The following AKAP13 variants were observed in gnomAD, a reference collection of about 807,000 sequenced individuals.
AKAP13 encodes the protein A-kinase anchoring protein 13.
AKAP13 carries 80 observed loss-of-function variants against 264.5 expected under a neutral mutation model. The ratio of observed to expected loss-of-function variants is 0.30; its 90% confidence interval spans 0.25 to 0.36. AKAP13 has a LOEUF of 0.36. Ranked by LOEUF, AKAP13 falls within the 10% of genes least tolerant of loss-of-function variation. The pLI, the probability that AKAP13 is intolerant of heterozygous loss-of-function variation, is 1.00. For synonymous variants in AKAP13, 1,380 were observed against 1,250.2 expected (o/e 1.10, Z -2.19); for missense variants, 3,712 against 3,435.2 (o/e 1.08, Z -2.01).
intron 17 of AKAP13, among the ~76,000 whole-genome samples, chr15:85,698,262 G>A (rs1321652723): frequency 3.3e-5 from 5 of 151,896 alleles, no homozygotes; most frequent in African/African-American, 9.7e-5. Context: ...GAGGTCAGGA[G>A]TTGGAAACCA....
intron 17 of AKAP13, among the ~76,000 whole-genome samples, chr15:85,704,119 C>T (rs536255460): frequency 2.6e-5 from 4 of 152,142 alleles, no homozygotes; most frequent in Non-Finnish European, 5.9e-5. Flanking sequence ...TCATTTTTCC[C>T]AGTTAGATTT....
rs761882200 is a variant in AKAP13, at chr15:85,730,742, A to G, written c.7282+35A>G. ...ATTCAGCATTGCCCCCTCTTCATCT[A>G]CTCCCAGAGTGGTTTACACACTAAT... On this transcript the variant is annotated intron_variant, in intron 30 of 36. Coordinates refer to ENST00000394518, the MANE Select transcript of AKAP13 (RefSeq NM_007200.5). 8.3e-6 allele frequency: 13 copies of G among 1,575,264 alleles called. 1 individual carries two copies. The highest frequency in any genetic ancestry group is 2.3e-5 in the South Asian group (2 of 88,392).
intron 30 of AKAP13, among the ~76,000 whole-genome samples, chr15:85,732,510 C>G (rs2088123412): frequency 6.7e-6 from 1 of 149,740 alleles, no homozygotes; most frequent in East Asian, 1.9e-4. Context: ...ACCTATTGAA[C>G]ATAAAATGTG....
intron 1 of AKAP13, among the ~76,000 whole-genome samples, chr15:85,444,243 G>A (rs2073821243): frequency 2.0e-5 from 3 of 152,050 alleles, no homozygotes. Flanking sequence ...GTTATGCTTG[G>A]GTTCAACATT....
intron 1 of AKAP13, among the ~76,000 whole-genome samples, chr15:85,415,001 A>G (rs984218250): frequency 1.3e-5 from 2 of 152,178 alleles, no homozygotes; most frequent in African/African-American, 2.4e-5. Context: ...TGACCTGTCA[A>G]CTGTTTTGGT....
chr15:85,424,005 TA>T (rs2072648812), intron 1 of AKAP13, among the ~76,000 whole-genome samples: 1 of 152,220 alleles, frequency 6.6e-6, no homozygotes, highest in Non-Finnish European at 1.5e-5. Flanking sequence ...TAAACCATGC[TA>T]TAAACAGATG....
Position 85,741,430 on chromosome 15 carries a change from C to G in AKAP13, c.7993C>G (p.Gln2665Glu), listed in dbSNP as rs368984278. 46 of 1,611,288 alleles carry G rather than the reference C, an allele frequency of 2.9e-5. No homozygotes were observed. Among genetic ancestry groups the G allele is most frequent in the Non-Finnish European group, 3.9e-5 (46 of 1,178,006 alleles). Residue 2665 changes from glutamine to glutamate, a missense_variant, in exon 35 of 37, where the codon CAG becomes GAG. This residue lies in a region of AKAP13 where 611 missense variants were observed against 539.3 expected (regional missense o/e 1.13). Coordinates refer to ENST00000394518, the MANE Select transcript of AKAP13 (RefSeq NM_007200.5). ...TGCCCAGAAACAGCTTGAGAGGGAA[C>G]AGGAGCAGCTGCGCCGGGAGGCAGA... is the stretch of plus-strand genomic sequence containing the variant. Reference protein sequence around the residue: ...RAAQKQLEREQEQLRREAERL... With the variant: ...RAAQKQLEREEEQLRREAERL...
At chr15:85,457,196 G>T (rs1316402411) in intron 1 of AKAP13, among the ~76,000 whole-genome samples, 2 of 152,144 alleles carry the variant, frequency 1.3e-5, no homozygotes, top group Non-Finnish European at 2.9e-5. Context: ...ATAGTAAGAG[G>T]CATGTCTAAA....
chr15:85,679,533 C>T (rs1402896887), intron 14 of AKAP13, among the ~76,000 whole-genome samples: 2 of 152,126 alleles, frequency 1.3e-5, no homozygotes, highest in African/African-American at 4.8e-5. Flanking sequence ...CGTTGTGTTA[C>T]GTTGTGGATT....
At chr15:85,506,125 C>T (rs998501398) in intron 2 of AKAP13, among the ~76,000 whole-genome samples, 3 of 152,044 alleles carry the variant, frequency 2.0e-5, no homozygotes, top group Non-Finnish European at 2.9e-5. Flanking sequence ...GGTGAAACTC[C>T]GTCTCTACTA....
intron 26 of AKAP13, 25 bp from the exon 27 acceptor site, chr15:85,726,385 C>G: frequency 6.3e-7 from 1 of 1,597,140 alleles, no homozygotes; most frequent in Non-Finnish European, 8.6e-7. Flanking sequence ...GTTTTATCTT[C>G]CCTTCTCCCA....
chr15:85,684,668 C>A, intron 15 of AKAP13, 73 bp from the exon 16 acceptor site: 2 of 1,498,270 alleles, frequency 1.3e-6, no homozygotes, highest in Admixed American at 1.9e-5. Context: ...CTTCATCTAC[C>A]TTTTATTCTG....
chr15:85,581,986 G>A lies in AKAP13; in HGVS notation c.3918G>A (p.Gly1306=), dbSNP rs919301527. The change falls in exon 7 of 37, where the codon GGG becomes GGA. Residue 1306 remains glycine, a synonymous_variant. Coordinates refer to ENST00000394518, the MANE Select transcript of AKAP13 (RefSeq NM_007200.5). ...FTEKVSTFPP[G]ESLPMGSTPE... ...AAAAAGTGAGTACTTTCCCACCTGG[G>A]GAGAGCCTACCAATGGGCAGTACTC... 6.2e-7 allele frequency: 1 copy of A among 1,614,152 alleles called. No individual in the cohort carries two copies. The highest frequency in any genetic ancestry group is 8.5e-7 in the Non-Finnish European group (1 of 1,180,022).
intron 13 of AKAP13, among the ~76,000 whole-genome samples, chr15:85,666,464 T>G (rs139779095): frequency 3.3e-5 from 5 of 151,734 alleles, no homozygotes; most frequent in Non-Finnish European, 7.4e-5. Flanking sequence ...TTCTGCCTTC[T>G]GTAGGTCGCC....
Position 85,532,634 on chromosome 15 carries a change from A to T in AKAP13, c.182-950A>T, listed in dbSNP as rs576098476. Among the ~76,000 whole-genome samples the T allele has an allele frequency of 4.6e-5, 7 of 152,342 alleles. No individual in the cohort carries two copies. In the South Asian group the frequency reaches 1.5e-3, roughly 32 times the overall value. ...TGAGATCAGTGTGTGAAAACAGGGG[A>T]AATAGTGTTCATTGTGATGAGTATA... On this transcript the variant is annotated intron_variant, in intron 3 of 36. Transcript: ENST00000394518.
intron 10 of AKAP13, among the ~76,000 whole-genome samples, chr15:85,650,505 C>T (rs1262245780): frequency 2.0e-5 from 3 of 151,692 alleles, no homozygotes; most frequent in African/African-American, 4.8e-5. Context: ...CGTGGTGGCT[C>T]ATGCCTTTGA....
In AKAP13 at chr15:85,641,316, C is replaced by T. The variant is rs112093573; in HGVS notation, c.4237+1867C>T. On this transcript the variant is annotated intron_variant, in intron 9 of 36. Transcript: ENST00000394518. Reference sequence around the variant, plus strand: ...CAAAAATTAGCCGGGTGTGGTGGCACGCCTCTGTAGTCCCAGATACTCGGG... The same window carrying T: ...CAAAAATTAGCCGGGTGTGGTGGCATGCCTCTGTAGTCCCAGATACTCGGG... Among the ~76,000 whole-genome samples, 1,378 of 150,984 alleles carry T rather than the reference C, an allele frequency of 9.1e-3. 12 individuals are homozygous for T. The Middle Eastern group carries it at 0.092, about 10-fold the overall frequency.
chr15:85,628,618 A>T (rs1210814432), intron 8 of AKAP13, among the ~76,000 whole-genome samples: 1 of 152,198 alleles, frequency 6.6e-6, no homozygotes, highest in African/African-American at 2.4e-5. Flanking sequence ...ACTGCTGGTG[A>T]TTAAAACCAC....
Position 85,710,619 on chromosome 15 carries a change from T to G in AKAP13, c.5573T>G (p.Leu1858Arg). Residue 1858 changes from leucine to arginine, a missense_variant, in exon 19 of 37, where the codon CTG becomes CGG. Physicochemically the swap from Leu to Arg is moderately radical, Grantham distance 102. Around this residue, in one of 3 missense-constraint regions of AKAP13, gnomAD observed 2,759 missense variants for 2,411.7 expected, o/e 1.14. Coordinates refer to ENST00000394518, the MANE Select transcript of AKAP13 (RefSeq NM_007200.5). ...CTTCAGGCACATGACACATCATCAC[T>G]GCCCACGGTCATTATGAGAAACAAG... The part of the protein sequence containing the change: ...GSLQAHDTSS[L>R]PTVIMRNKPS... 1 of 1,613,996 alleles carries G rather than the reference T, an allele frequency of 6.2e-7. No individual in the cohort carries two copies. The highest frequency in any genetic ancestry group is 8.5e-7 in the Non-Finnish European group (1 of 1,179,918).
Sources: allele counts gnomAD v4.1 joint callset (sites outside exome capture counted in the v4.1 genomes callset), GRCh38; gene constraint gnomAD v4.1.1; regional missense constraint gnomAD v4.1.1; transcripts MANE v1.5; gene names NCBI Gene and HGNC (gene_info 2026-07-23, HGNC 2026-07-21).